ARHGEF28: variants seen among roughly 807,000 people sequenced by gnomAD.
ARHGEF28 encodes the protein Rho guanine nucleotide exchange factor 28.
In ARHGEF28, 152 loss-of-function variants were observed where a neutral mutation model predicts 206.6. That is an observed-to-expected ratio of 0.74 (90% confidence interval 0.64 to 0.84). The LOEUF is 0.84. Among genes scored for constraint, ARHGEF28 ranks in the 40% least tolerant of loss-of-function variants. The pLI, the probability that ARHGEF28 is intolerant of heterozygous loss-of-function variation, is 0.00. For missense variants in ARHGEF28, 2,028 were observed against 2,073.2 expected (o/e 0.98, Z 0.42); for synonymous variants, 763 against 776.4 (o/e 0.98, Z 0.29).
At position 73,933,101 on chromosome 5, in the gene ARHGEF28, T is replaced by C. The variant is rs13159899; in HGVS notation, c.4949-7743T>C. Among the ~76,000 whole-genome samples, 736 of 152,276 alleles carry C rather than the reference T, an allele frequency of 4.8e-3. 4 individuals carry two copies. The highest frequency in any genetic ancestry group is 0.02 in the East Asian group (104 of 5,184). ...CTGGGATTACAGGCGTGAGCCACCG[T>C]GCCCGGCCTATTTCCTATTTCTTAC... On this transcript the variant is annotated intron_variant, in intron 35 of 35. Coordinates refer to ENST00000513042, the MANE Select transcript of ARHGEF28 (RefSeq NM_001177693.2).
At chr5:73,842,837 G>A (rs1203879218) in intron 11 of ARHGEF28, among the ~76,000 whole-genome samples, 1 of 152,038 alleles carries the variant, frequency 6.6e-6, no homozygotes, top group Admixed American at 6.5e-5. Context: ...ACAAAAATTA[G>A]CTGGGCATGG....
At chr5:73,830,055 G>C (rs1681714160) in intron 9 of ARHGEF28, among the ~76,000 whole-genome samples, 1 of 152,112 alleles carries the variant, frequency 6.6e-6, no homozygotes, top group Non-Finnish European at 1.5e-5. Flanking sequence ...ACTCCCATAG[G>C]AGACACTGGG....
At chr5:73,880,170 T>G (rs1686804739) in intron 22 of ARHGEF28, among the ~76,000 whole-genome samples, 1 of 152,188 alleles carries the variant, frequency 6.6e-6, no homozygotes, top group South Asian at 2.1e-4. Context: ...GACTTGCAGT[T>G]TGTTCTCAGA....
chr5:73,725,247 T>C (rs1197179334), intron 2 of ARHGEF28, among the ~76,000 whole-genome samples: 1 of 152,220 alleles, frequency 6.6e-6, no homozygotes, highest in African/African-American at 2.4e-5. Flanking sequence ...CATGGCAGAC[T>C]GATAGAGGAG....
At chr5:73,766,801 A>C (rs1042012581) in intron 4 of ARHGEF28, among the ~76,000 whole-genome samples, 11 of 152,386 alleles carry the variant, frequency 7.2e-5, no homozygotes, top group African/African-American at 2.6e-4. Flanking sequence ...ATTATCTAAT[A>C]CATTTAGAGA....
chr5:73,813,719 T>C lies in ARHGEF28; in HGVS notation c.1024+18328T>C, dbSNP rs558319369. Reference sequence around the variant, plus strand: ...TTTCCTTCACGGGCAAAACCAGACATCCTATTCTTTCTTTTCCGTGTTTCT... The same window carrying C: ...TTTCCTTCACGGGCAAAACCAGACACCCTATTCTTTCTTTTCCGTGTTTCT... On this transcript the variant is annotated intron_variant, in intron 9 of 35. Transcript: ENST00000513042. 286 of 1,508,996 alleles carry C rather than the reference T, an allele frequency of 1.9e-4. 5 individuals are homozygous for C. The South Asian group carries it at 3.2e-3, about 17-fold the overall frequency. The allele number at this position is 1,508,996 out of a possible 1,614,324, so 93.5% of individuals were successfully genotyped here. A position where few individuals can be genotyped will look rare whatever the true frequency, so the allele number is the denominator to read the frequency against.
At chr5:73,861,544 T>C (rs928754889) in intron 16 of ARHGEF28, among the ~76,000 whole-genome samples, 1 of 152,238 alleles carries the variant, frequency 6.6e-6, no homozygotes, top group African/African-American at 2.4e-5. Flanking sequence ...GCGATTCTCC[T>C]GCCTCAGCCT....
At position 73,846,418 on chromosome 5, in the gene ARHGEF28, G is replaced by A. The variant is rs550141930; in HGVS notation, c.1578G>A (p.Pro526=). The change falls in exon 12 of 36, where the codon CCG becomes CCA. Residue 526 remains proline, a synonymous_variant. Transcript: ENST00000513042. ...ACTCTTTTGAGACTAACACTGAACC[G>A]GATTTTAATATCTCCAGGGCTGAAT... The part of the protein sequence containing the change: ...ELDSFETNTE[P]DFNISRAESL... The A allele has an allele frequency of 6.1e-5, 98 of 1,613,764 alleles. No individual in the cohort carries two copies. The highest frequency in any genetic ancestry group is 7.3e-5 in the Non-Finnish European group (86 of 1,179,872).
Position 73,911,589 on chromosome 5 carries a change from T to C in ARHGEF28, c.4948+14T>C, listed in dbSNP as rs1483378029. 3 of 1,572,608 alleles carry C rather than the reference T, an allele frequency of 1.9e-6. No individual in the cohort carries two copies. The highest frequency in any genetic ancestry group is 2.6e-6 in the Non-Finnish European group (3 of 1,156,542). ...CTTGTAAAAATGGTAATTAACACTT[T>C]AAACATCATCTGTATAGTTTGAACA... On this transcript the variant is annotated intron_variant, in intron 35 of 35. Coordinates refer to ENST00000513042, the MANE Select transcript of ARHGEF28 (RefSeq NM_001177693.2).
chr5:73,904,532 C>T (rs1442770019), intron 33 of ARHGEF28, 127 bp downstream of exon 33: 10 of 1,038,378 alleles, frequency 9.6e-6, no homozygotes, highest in Non-Finnish European at 1.1e-5. Context: ...GAATGACAAC[C>T]TTCTAAGTGT....
In ARHGEF28 at chr5:73,634,319, A is replaced by G. The variant is rs1200087462; in HGVS notation, c.-12+7997A>G. On this transcript the variant is annotated intron_variant, in intron 1 of 35. Coordinates refer to ENST00000513042, the MANE Select transcript of ARHGEF28 (RefSeq NM_001177693.2). ...ATCAGCATCTGGTTCTTAATCCCCC[A>G]TCTCCTCATAAAGATATATACTGTG... Among the ~76,000 whole-genome samples the G allele has an allele frequency of 3.9e-4, 59 of 152,266 alleles. 1 individual carries two copies. The highest frequency in any genetic ancestry group is 3.8e-3 in the Admixed American group (58 of 15,302).
chr5:73,633,109 G>A (rs531190670), intron 1 of ARHGEF28, among the ~76,000 whole-genome samples: 53 of 152,002 alleles, frequency 3.5e-4, no homozygotes, highest in African/African-American at 1.2e-3. Context: ...AGTAGTGTTC[G>A]CATTCCTATG....
chr5:73,937,035 A>G (rs1764459956), intron 35 of ARHGEF28, among the ~76,000 whole-genome samples: 2 of 152,244 alleles, frequency 1.3e-5, no homozygotes, highest in Admixed American at 1.3e-4. Flanking sequence ...AGTATTGGGT[A>G]AACAGAGAAA....
At position 73,857,650 on chromosome 5, in the gene ARHGEF28, T is replaced by C; in HGVS notation, c.1791-6T>C. 1 of 1,562,176 alleles carries C rather than the reference T, an allele frequency of 6.4e-7. No homozygotes were observed. The highest frequency in any genetic ancestry group is 8.7e-7 in the Non-Finnish European group (1 of 1,152,330). On this transcript the variant is annotated splice_polypyrimidine_tract_variant and splice_region_variant and intron_variant, in intron 14 of 35. Transcript: ENST00000513042. Reference sequence around the variant, plus strand: ...TGAGCCATGATAACAGATTCTGTTTTTGTAGAATTCAGGAAGAAGAATGGG... The same window carrying C: ...TGAGCCATGATAACAGATTCTGTTTCTGTAGAATTCAGGAAGAAGAATGGG...
intron 2 of ARHGEF28, among the ~76,000 whole-genome samples, chr5:73,730,856 T>G (rs1750580861): frequency 6.6e-6 from 1 of 152,184 alleles, no homozygotes; most frequent in Non-Finnish European, 1.5e-5. Context: ...GTTTAGAATC[T>G]TTTGGTTTTT....
chr5:73,933,350 C>G (rs1764239385), intron 35 of ARHGEF28, among the ~76,000 whole-genome samples: 1 of 152,182 alleles, frequency 6.6e-6, no homozygotes, highest in Non-Finnish European at 1.5e-5. Flanking sequence ...GCTATAAGCT[C>G]AAATGAACCT....
intron 9 of ARHGEF28, among the ~76,000 whole-genome samples, chr5:73,808,614 A>G (rs542529758): frequency 7.2e-5 from 11 of 152,356 alleles, no homozygotes; most frequent in African/African-American, 2.2e-4. Flanking sequence ...CTAGAAGTTA[A>G]GGCTGCATAT....
intron 1 of ARHGEF28, among the ~76,000 whole-genome samples, chr5:73,676,628 T>A (rs1746709720): frequency 6.6e-6 from 1 of 152,222 alleles, no homozygotes; most frequent in Admixed American, 6.5e-5. Flanking sequence ...AGGGGGAAGG[T>A]GCTCTTATTT....
chr5:73,730,508 G>A (rs1750548825), intron 2 of ARHGEF28, among the ~76,000 whole-genome samples: 1 of 149,066 alleles, frequency 6.7e-6, no homozygotes, highest in Non-Finnish European at 1.5e-5. Flanking sequence ...AATCAATATA[G>A]GTTCAAACTG....
Sources: gnomAD v4.1 joint callset for allele counts (sites outside exome capture counted in the v4.1 genomes callset) on GRCh38, gnomAD v4.1.1 for gene constraint, MANE v1.5 for transcripts, NCBI Gene and HGNC (gene_info 2026-07-23, HGNC 2026-07-21) for gene names.